Variants in COL20A1 observed in about 807,000 individuals in gnomAD.
The protein encoded by COL20A1 is collagen alpha-1(XX) chain.
A neutral mutation model predicts 152.9 loss-of-function variants in COL20A1; 164 were observed. That is an observed-to-expected ratio of 1.07 (90% CI 0.94 to 1.22). COL20A1 has a LOEUF of 1.22. Among genes scored for constraint, COL20A1 ranks in the 50% most tolerant of loss-of-function variants. The pLI, the probability that COL20A1 is intolerant of heterozygous loss-of-function variation, is 0.00. For synonymous variants in COL20A1, 864 were observed against 756.0 expected, an observed-to-expected ratio of 1.14 and a Z score of -2.34; for missense variants, 1,873 against 1,744.8, an observed-to-expected ratio of 1.07 and a Z score of -1.31.
intron 35 of COL20A1, 77 bp downstream of exon 35, chr20:63,329,738 G>T: frequency 1.9e-6 from 2 of 1,042,334 alleles, no homozygotes; most frequent in Non-Finnish European, 2.7e-6. Flanking sequence ...GGGCCAACGG[G>T]TGGGGCCTCA....
At position 63,319,447 on chromosome 20, in the gene COL20A1, T is replaced by A; in HGVS notation, c.2807-40T>A. The A allele has an allele frequency of 6.8e-7, 1 of 1,460,282 alleles. No individual in the cohort carries two copies. The highest frequency in any genetic ancestry group is 9.4e-7 in the Non-Finnish European group (1 of 1,066,696). 90.5% of individuals were successfully genotyped at this position (1,460,282 alleles called of 1,614,324 possible). A position where few individuals can be genotyped will look rare whatever the true frequency, so the allele number is the denominator to read the frequency against. ...CTGCTCAAGGTATAGGCCCGGCTGGTTGCAGCCCGTTCTCACCTGCTCCAC... is the reference window on the plus strand; with the variant it reads ...CTGCTCAAGGTATAGGCCCGGCTGGATGCAGCCCGTTCTCACCTGCTCCAC... On this transcript the variant is annotated intron_variant, in intron 22 of 35. Transcript: ENST00000358894. This position sits in a 1 kb window ranked among gnomAD's most constrained non-coding sequence, Gnocchi z 4.4.
intron 30 of COL20A1, 98 bp from the exon 31 acceptor site, chr20:63,326,654 C>A: frequency 2.6e-6 from 2 of 776,764 alleles, no homozygotes; most frequent in South Asian, 2.3e-5. Context: ...CCGCCCTTGT[C>A]AGGTCAGGGG....
chr20:63,328,788 C>G (rs1217322482), intron 34 of COL20A1, among the ~76,000 whole-genome samples: 1 of 152,146 alleles, frequency 6.6e-6, no homozygotes, highest in African/African-American at 2.4e-5. Context: ...CACAGGAGAG[C>G]CCAGCCTACC....
rs766545783 is a variant in COL20A1 at position 63,306,029 on chromosome 20, G to A, written c.486G>A (p.Pro162=). Residue 162 remains proline (P), a synonymous_variant, in exon 5 of 36, where the codon CCG becomes CCA. Transcript: ENST00000358894. The surrounding 1 kb of genome is among the most constrained non-coding windows in gnomAD (Gnocchi z 6.9). ...TTGCCTTCACACCAAGCCAGGATCCGCGCACTCCTGGTGGGTCAGAGTGGA... is the reference window on the plus strand; with the variant it reads ...TTGCCTTCACACCAAGCCAGGATCCACGCACTCCTGGTGGGTCAGAGTGGA... ...PQVAFTPSQD[P]RTPAGPQFRC... 92 of 1,610,294 alleles carry A rather than the reference G, an allele frequency of 5.7e-5. No individual in the cohort carries two copies. Among genetic ancestry groups the A allele is most frequent in the Non-Finnish European group, 5.3e-5 (63 of 1,178,622 alleles).
chr20:63,319,214 C>T lies in COL20A1; in HGVS notation c.2806+14C>T, dbSNP rs763635091. On this transcript the variant is annotated intron_variant, in intron 22 of 35. Coordinates refer to ENST00000358894, the MANE Select transcript of COL20A1 (RefSeq NM_020882.4). The surrounding 1 kb of genome is among the most constrained non-coding windows in gnomAD (Gnocchi z 4.4). Reference sequence around the variant, plus strand: ...TTCTGCTGGATGGTGACGTGGGCCCCGCGTCGCCCCCAGCAGTCAGGAGGA... The same window carrying T: ...TTCTGCTGGATGGTGACGTGGGCCCTGCGTCGCCCCCAGCAGTCAGGAGGA... 8.7e-6 allele frequency: 14 copies of T among 1,609,440 alleles called. No individual in the cohort carries two copies. The East Asian group carries it at 8.9e-5, about 10-fold the overall frequency.
At chr20:63,307,926 C>G (rs765444812) in intron 6 of COL20A1, 45 bp from the exon 7 acceptor site, 12 of 1,604,414 alleles carry the variant, frequency 7.5e-6, no homozygotes, top group Admixed American at 3.4e-5. Context: ...CCCTGGGCAT[C>G]TCAGCATTGG....
Position 63,312,978 on chromosome 20 carries a change from C to T in COL20A1, c.2076+44C>T, listed in dbSNP as rs530716050. The T allele has an allele frequency of 4.6e-6, 7 of 1,527,860 alleles. No individual in the cohort carries two copies. In the South Asian group the frequency reaches 6.0e-5, roughly 13 times the overall value. 94.6% of individuals were successfully genotyped at this position (1,527,860 alleles called of 1,614,324 possible). A position where few individuals can be genotyped will look rare whatever the true frequency, so the allele number is the denominator to read the frequency against. ...GTCCTTCCGAGGGGCCCCCCGTGGG[C>T]CCCTAGTCCTGAAGCCAAAGTCTAG... On this transcript the variant is annotated intron_variant, in intron 16 of 35. Coordinates refer to ENST00000358894, the MANE Select transcript of COL20A1 (RefSeq NM_020882.4).
intron 28 of COL20A1, 61 bp from the exon 29 acceptor site, chr20:63,325,607 C>G (rs1024663816): frequency 6.4e-7 from 1 of 1,571,770 alleles, no homozygotes. Flanking sequence ...GCCTCACAGG[C>G]AGGGCCACCT....
chr20:63,325,816 G>A, intron 29 of COL20A1, 95 bp downstream of exon 29: 3 of 1,160,598 alleles, frequency 2.6e-6, no homozygotes, highest in Non-Finnish European at 1.3e-6. Flanking sequence ...GTAGGGAGGG[G>A]GAGGTGCTTT....
intron 30 of COL20A1, 37 bp from the exon 31 acceptor site, chr20:63,326,715 G>T: frequency 2.2e-6 from 3 of 1,355,352 alleles, no homozygotes; most frequent in Non-Finnish European, 2.9e-6. Flanking sequence ...GATTTGCTGG[G>T]GGCCCAAGCC....
Position 63,319,922 on chromosome 20 carries a change from T to A in COL20A1, c.2917-117T>A. 1 of 1,021,566 alleles carries A rather than the reference T, an allele frequency of 9.8e-7. No individual in the cohort carries two copies. Among genetic ancestry groups the A allele is most frequent in the Non-Finnish European group, 1.4e-6 (1 of 714,846 alleles). 63.3% of individuals were successfully genotyped at this position (1,021,566 alleles called of 1,614,324 possible). On this transcript the variant is annotated intron_variant, in intron 23 of 35. Transcript: ENST00000358894. This position sits in a 1 kb window ranked among gnomAD's most constrained non-coding sequence, Gnocchi z 4.4. Reference sequence around the variant, plus strand: ...CCCCGAAACCTGAGGTGAGGTCAGGTTCCTGACCCCAGGTCCCAGGGATGG... The same window carrying A: ...CCCCGAAACCTGAGGTGAGGTCAGGATCCTGACCCCAGGTCCCAGGGATGG...
intron 10 of COL20A1, 67 bp downstream of exon 10, chr20:63,309,982 A>C (rs1413286283): frequency 1.5e-6 from 2 of 1,379,062 alleles, no homozygotes; most frequent in African/African-American, 2.9e-5. Flanking sequence ...GATAAGCCAA[A>C]GGGAGGGCAG....
intron 2 of COL20A1, among the ~76,000 whole-genome samples, chr20:63,296,226 G>C (rs1416980955): frequency 1.3e-5 from 2 of 152,288 alleles, no homozygotes; most frequent in Non-Finnish European, 2.9e-5. Context: ...CTCAGACAGG[G>C]TAACCCTGCC....
intron 27 of COL20A1, among the ~76,000 whole-genome samples, chr20:63,324,041 G>C (rs117049320): frequency 6.6e-6 from 1 of 152,312 alleles, no homozygotes; most frequent in East Asian, 1.9e-4. Context: ...ACAGTGTGGG[G>C]ATGGTCTCTT....
chr20:63,314,060 C>T lies in COL20A1; in HGVS notation c.2359-12C>T, dbSNP rs1286236819. 6.2e-7 allele frequency: 1 copy of T among 1,612,588 alleles called. No individual in the cohort carries two copies. The highest frequency in any genetic ancestry group is 1.3e-5 in the African/African-American group (1 of 74,938). On this transcript the variant is annotated splice_polypyrimidine_tract_variant and intron_variant, in intron 18 of 35. Transcript: ENST00000358894. ...CCAGGAAGTGGGGACCAGGCACCCT[C>T]CCTTCTCCTAGGTCTCTGTGCCAGG...
At position 63,311,587 on chromosome 20, in the gene COL20A1, G is replaced by A; in HGVS notation, c.1540-38G>A. On this transcript the variant is annotated intron_variant, in intron 12 of 35. Coordinates refer to ENST00000358894, the MANE Select transcript of COL20A1 (RefSeq NM_020882.4). This position sits in a 1 kb window ranked among gnomAD's most constrained non-coding sequence, Gnocchi z 4.4. ...GGGGGAGGCAGAGGAGTGGGGCAGA[G>A]CGAGTGGGGGCTGGCCTGGGACGTC... is the stretch of plus-strand genomic sequence containing the variant. The A allele has an allele frequency of 6.2e-7, 1 of 1,610,360 alleles. No homozygotes were observed. Among genetic ancestry groups the A allele is most frequent in the South Asian group, 1.1e-5 (1 of 90,876 alleles).
chr20:63,319,684 C>A lies in COL20A1; in HGVS notation c.2916+88C>A, dbSNP rs1400374179. ...AGGGACCTGCCGGATGCCAACTCCT[C>A]TCCCTAGGAGAGCAGGACCTTCCTT... On this transcript the variant is annotated intron_variant, in intron 23 of 35. Transcript: ENST00000358894. This position sits in a 1 kb window ranked among gnomAD's most constrained non-coding sequence, Gnocchi z 4.4. The A allele has an allele frequency of 2.3e-6, 2 of 870,670 alleles. No homozygotes were observed. The highest frequency in any genetic ancestry group is 3.7e-6 in the Non-Finnish European group (2 of 546,790). The allele number at this position is 870,670 out of a possible 1,614,324, so 53.9% of individuals were successfully genotyped here.
chr20:63,305,797 G>T lies in COL20A1; in HGVS notation c.338-84G>T. The T allele has an allele frequency of 7.2e-7, 1 of 1,393,582 alleles. No individual in the cohort carries two copies. Among genetic ancestry groups the T allele is most frequent in the Non-Finnish European group, 1.0e-6 (1 of 996,806 alleles). The allele number at this position is 1,393,582 out of a possible 1,614,324, so 86.3% of individuals were successfully genotyped here. ...CTGGGCCCTCAGCACCCACAGATGC[G>T]CCCTTGAAGGGGTGTATGTGCAGCT... On this transcript the variant is annotated intron_variant, in intron 4 of 35. Coordinates refer to ENST00000358894, the MANE Select transcript of COL20A1 (RefSeq NM_020882.4). This position sits in a 1 kb window ranked among gnomAD's most constrained non-coding sequence, Gnocchi z 4.9.
chr20:63,294,585 A>C, intron 1 of COL20A1, among the ~76,000 whole-genome samples: 1 of 149,256 alleles, frequency 6.7e-6, no homozygotes, highest in African/African-American at 2.5e-5. Flanking sequence ...CCCGCTCCCC[A>C]CTCCTACTAG....
Sources: gnomAD v4.1 joint callset for allele counts (sites outside exome capture counted in the v4.1 genomes callset) on GRCh38, gnomAD v4.1.1 for gene constraint, Gnocchi (gnomAD v3.1) non-coding constraint, MANE v1.5 for transcripts, NCBI Gene and HGNC (gene_info 2026-07-23, HGNC 2026-07-21) for gene names.